The following KMT2C variants were observed in gnomAD, a reference collection of about 807,000 sequenced individuals.
KMT2C encodes histone-lysine N-methyltransferase 2C.
KMT2C carries 88 observed loss-of-function variants against 507.9 expected under a neutral mutation model. The observed-to-expected ratio is 0.17, with a 90% CI of 0.15 to 0.21. KMT2C has a LOEUF of 0.21. KMT2C is among the 10% of genes least tolerant of loss of function. The pLI is 1.00. For missense variants in KMT2C, 4,954 were observed against 5,957.8 expected (o/e 0.83, Z 5.55); for synonymous variants, 2,049 against 2,080.8 (o/e 0.98, Z 0.42).
In KMT2C at chr7:152,248,317, C is replaced by G. The variant is rs1243402723; in HGVS notation, c.2117G>C (p.Ser706Thr). The G allele has an allele frequency of 6.2e-7, 1 of 1,613,824 alleles. No homozygotes were observed. Among genetic ancestry groups the G allele is most frequent in the African/African-American group, 1.3e-5 (1 of 75,026 alleles). Residue 706 changes from serine to threonine, a missense_variant, in exon 14 of 59, where the codon AGT becomes ACT. Physicochemically the swap from Ser to Thr is moderately conservative, Grantham distance 58. This residue lies in a region of KMT2C where 376 missense variants were observed against 352.4 expected (regional missense o/e 1.07). Transcript: ENST00000262189. ...CTGTTCCTCAGGACATAATGAAATA[C>G]TTTCCTCATGTGGGGACACTAAGGT... Reference protein sequence around the residue: ...LETLVSPHEESISLCPEEQLV... With the variant: ...LETLVSPHEETISLCPEEQLV...
rs1309069048 is a variant in KMT2C, at chr7:152,162,417, C to T, written c.11160G>A (p.Leu3720=). ...ETPAKTEEIK[L]EKAETESCPG... ...GGCAGGACTCTGTCTCAGCCTTTTC[C>T]AGTTTTATCTCTTCTGTTTTGGCAG... Residue 3720 remains leucine, a synonymous_variant, in exon 43 of 59, where the codon CTG becomes CTA. Coordinates refer to ENST00000262189, the MANE Select transcript of KMT2C (RefSeq NM_170606.3). 1 of 1,614,092 alleles carries T rather than the reference C, an allele frequency of 6.2e-7. No homozygotes were observed.
In KMT2C at chr7:152,143,604, C is replaced by G. The variant is rs77032778; in HGVS notation, c.14343+1109G>C. Among the ~76,000 whole-genome samples, 1,431 of 152,296 alleles carry G rather than the reference C, an allele frequency of 9.4e-3. 29 individuals are homozygous for G. The highest frequency in any genetic ancestry group is 0.032 in the African/African-American group (1,344 of 41,552). ...GGTTTTAGTGCAAACACAGAGGAAA[C>G]AGAGGGGCAGAACTTGCAAAAGAAT... On this transcript the variant is annotated intron_variant, in intron 55 of 58. Coordinates refer to ENST00000262189, the MANE Select transcript of KMT2C (RefSeq NM_170606.3).
At chr7:152,329,467 G>A (rs1483136842) in intron 3 of KMT2C, among the ~76,000 whole-genome samples, 1 of 152,038 alleles carries the variant, frequency 6.6e-6, no homozygotes, top group East Asian at 1.9e-4. Context: ...CCACCTGGGA[G>A]GCTAAGGTGG....
chr7:152,380,123 T>C (rs575408515), intron 1 of KMT2C, among the ~76,000 whole-genome samples: 1 of 152,426 alleles, frequency 6.6e-6, no homozygotes, highest in Admixed American at 6.5e-5. Flanking sequence ...TCCCAGCTAC[T>C]TGGGAGGCTG....
In KMT2C at chr7:152,194,270, A is replaced by C. The variant is rs775610449; in HGVS notation, c.4508-9T>G. ...TTTTCCAAGAATTGCTCCTAGAATAAATTAAAAAAAAAAAAGAAACATTAA... is the reference window on the plus strand; with the variant it reads ...TTTTCCAAGAATTGCTCCTAGAATACATTAAAAAAAAAAAAGAAACATTAA... On this transcript the variant is annotated splice_polypyrimidine_tract_variant and intron_variant, in intron 29 of 58. Coordinates refer to ENST00000262189, the MANE Select transcript of KMT2C (RefSeq NM_170606.3). 2 of 1,458,248 alleles carry C rather than the reference A, an allele frequency of 1.4e-6. No individual in the cohort carries two copies. The allele number at this position is 1,458,248 out of a possible 1,614,324, so 90.3% of individuals were successfully genotyped here. A position where few individuals can be genotyped will look rare whatever the true frequency, so the allele number is the denominator to read the frequency against.
intron 1 of KMT2C, among the ~76,000 whole-genome samples, chr7:152,359,089 T>G (rs980320252): frequency 6.6e-6 from 1 of 152,198 alleles, no homozygotes; most frequent in Non-Finnish European, 1.5e-5. Flanking sequence ...TGACCAGATA[T>G]ATGTATTTTT....
intron 19 of KMT2C, 106 bp downstream of exon 19, chr7:152,224,329 A>C (rs1278189980): frequency 7.8e-7 from 1 of 1,279,966 alleles, no homozygotes. Flanking sequence ...ATCATAGAAT[A>C]TGTGTATTAT....
chr7:152,394,388 C>T (rs1326304805), intron 1 of KMT2C, among the ~76,000 whole-genome samples: 5 of 152,312 alleles, frequency 3.3e-5, no homozygotes, highest in African/African-American at 4.8e-5. Context: ...AACTCAGCTC[C>T]TGCCACACTG....
intron 42 of KMT2C, among the ~76,000 whole-genome samples, chr7:152,164,635 C>A (rs905675888): frequency 6.6e-6 from 1 of 152,124 alleles, no homozygotes. Flanking sequence ...GAATATCACA[C>A]CCCCCACCCA....
chr7:152,352,175 G>C (rs552975460), intron 2 of KMT2C, among the ~76,000 whole-genome samples: 2 of 149,576 alleles, frequency 1.3e-5, no homozygotes, highest in African/African-American at 2.5e-5. Flanking sequence ...TTTTATGGTC[G>C]AGCTGTAGGG....
chr7:152,172,239 T>A (rs1458353769), intron 39 of KMT2C, among the ~76,000 whole-genome samples: 1 of 152,172 alleles, frequency 6.6e-6, no homozygotes, highest in African/African-American at 2.4e-5. Flanking sequence ...ACTCAACATA[T>A]CACACTACTC....
intron 56 of KMT2C, among the ~76,000 whole-genome samples, 157 bp downstream of exon 56, chr7:152,139,517 AC>A (rs2090283302): frequency 6.6e-6 from 1 of 152,236 alleles, no homozygotes; most frequent in Admixed American, 6.5e-5. Flanking sequence ...TGAAAGAGAT[AC>A]AACTGATAAA....
At chr7:152,199,515 A>G (rs962708183) in intron 26 of KMT2C, 56 bp from the exon 27 acceptor site, 8 of 1,112,930 alleles carry the variant, frequency 7.2e-6, no homozygotes, top group Non-Finnish European at 1.0e-5. Context: ...AAGACAATAG[A>G]TTATTCTGTC....
chr7:152,334,675 T>C (rs987982031), intron 2 of KMT2C, among the ~76,000 whole-genome samples: 9 of 151,672 alleles, frequency 5.9e-5, no homozygotes, highest in African/African-American at 1.9e-4. Context: ...TAAATTATAG[T>C]CCCCTTTCCT....
chr7:152,324,839 T>C (rs963308087), intron 3 of KMT2C, among the ~76,000 whole-genome samples: 17 of 151,984 alleles, frequency 1.1e-4, no homozygotes, highest in African/African-American at 3.9e-4. Flanking sequence ...AAAATTCATA[T>C]TGCTTATGAA....
chr7:152,420,339 G>A (rs2097770080), intron 1 of KMT2C, among the ~76,000 whole-genome samples: 1 of 152,162 alleles, frequency 6.6e-6, no homozygotes, highest in Admixed American at 6.6e-5. Flanking sequence ...ATGCCACTAA[G>A]AATTGGGATC....
At chr7:152,335,749 A>G (rs555480497) in intron 2 of KMT2C, among the ~76,000 whole-genome samples, 41 of 152,338 alleles carry the variant, frequency 2.7e-4, no homozygotes, top group African/African-American at 9.9e-4. Flanking sequence ...AGGGAAAAGA[A>G]GCAGGACAAT....
In KMT2C at chr7:152,234,718, T is replaced by C. The variant is rs548487295; in HGVS notation, c.2769+1099A>G. Among the ~76,000 whole-genome samples, 151 of 152,062 alleles carry C rather than the reference T, an allele frequency of 9.9e-4. 1 individual carries two copies. Among genetic ancestry groups the C allele is most frequent in the African/African-American group, 3.0e-3 (123 of 41,494 alleles). ...AAGTTTGAGACCAGCCTGGACAACA[T>C]AGTGAGATGCTGTCTCTATCAAAAA... On this transcript the variant is annotated intron_variant, in intron 16 of 58. Transcript: ENST00000262189.
At chr7:152,260,399 G>C (rs979016091) in intron 9 of KMT2C, among the ~76,000 whole-genome samples, 2 of 151,974 alleles carry the variant, frequency 1.3e-5, no homozygotes, top group African/African-American at 4.8e-5. Flanking sequence ...TAATAAAGAA[G>C]ATCAAGAGCA....
Sources: allele counts gnomAD v4.1 joint callset (sites outside exome capture counted in the v4.1 genomes callset), GRCh38; gene constraint gnomAD v4.1.1; regional missense constraint gnomAD v4.1.1; transcripts MANE v1.5; gene names NCBI Gene and HGNC (gene_info 2026-07-23, HGNC 2026-07-21).